Variants in CADPS observed in about 807,000 individuals in gnomAD.
The protein encoded by CADPS is calcium dependent secretion activator.
In CADPS, 57 loss-of-function variants were observed where a neutral mutation model predicts 167.3. The ratio of observed to expected loss-of-function variants is 0.34; its 90% confidence interval spans 0.28 to 0.42. CADPS has a LOEUF of 0.42. Ranked by LOEUF, CADPS falls within the 20% of genes least tolerant of loss-of-function variation. CADPS has a pLI of 1.00. For missense variants in CADPS, 1,414 were observed against 1,738.1 expected, an observed-to-expected ratio of 0.81 and a Z score of 3.32; for synonymous variants, 676 against 635.3, an observed-to-expected ratio of 1.06 and a Z score of -0.96.
chr3:62,580,295 A>T lies in CADPS; in HGVS notation c.1577+4890T>A, dbSNP rs188592871. Among the ~76,000 whole-genome samples the T allele has an allele frequency of 2.7e-3, 407 of 152,326 alleles. 1 individual carries two copies. The highest frequency in any genetic ancestry group is 3.7e-3 in the Admixed American group (57 of 15,298). On this transcript the variant is annotated intron_variant, in intron 8 of 29. Transcript: ENST00000383710. ...GCTCATGTCCTTTGTAGGGACATGG[A>T]TGAAACTGGAAATCATCATTCTCAG...
At chr3:62,466,236 C>T in intron 25 of CADPS, 103 bp downstream of exon 25, 1 of 749,606 alleles carries the variant, frequency 1.3e-6, no homozygotes, top group Non-Finnish European at 2.3e-6. Context: ...CTGAGAGACA[C>T]AAGTATCCAG....
chr3:62,596,893 C>A (rs2059017628), intron 6 of CADPS, among the ~76,000 whole-genome samples: 1 of 152,168 alleles, frequency 6.6e-6, no homozygotes, highest in Non-Finnish European at 1.5e-5. Context: ...AAGATCTTGC[C>A]TATTTTATTC....
At chr3:62,426,259 T>C (rs2052647786) in intron 28 of CADPS, among the ~76,000 whole-genome samples, 1 of 152,202 alleles carries the variant, frequency 6.6e-6, no homozygotes. Flanking sequence ...CAAGCAATTC[T>C]CCTGCTTCAG....
At chr3:62,530,901 G>T in intron 13 of CADPS, 3 of 575,100 alleles carry the variant, frequency 5.2e-6, no homozygotes, top group Non-Finnish European at 6.7e-6. Flanking sequence ...ACAAACAAAA[G>T]AAAGAAAAAG....
At chr3:62,690,688 G>A (rs991034017) in intron 3 of CADPS, among the ~76,000 whole-genome samples, 1 of 151,742 alleles carries the variant, frequency 6.6e-6, no homozygotes. Context: ...CTAAATTAAT[G>A]CTTAAGCTGG....
At chr3:62,615,077 T>G (rs185560818) in intron 6 of CADPS, among the ~76,000 whole-genome samples, 1 of 152,262 alleles carries the variant, frequency 6.6e-6, no homozygotes, top group East Asian at 1.9e-4. Flanking sequence ...GCTGGCAGCA[T>G]GTAATAGTTT....
intron 28 of CADPS, among the ~76,000 whole-genome samples, chr3:62,418,422 T>G (rs1395091795): frequency 2.7e-5 from 4 of 149,726 alleles, no homozygotes; most frequent in Non-Finnish European, 5.9e-5. Context: ...CCTCCCAGGC[T>G]TAAGTGATCC....
chr3:62,859,064 G>T (rs879862366), intron 1 of CADPS, among the ~76,000 whole-genome samples: 2 of 152,104 alleles, frequency 1.3e-5, no homozygotes, highest in African/African-American at 4.8e-5. Context: ...AAAGCATTTG[G>T]ATGAGTACAC....
At chr3:62,671,141 T>C (rs948157983) in intron 3 of CADPS, among the ~76,000 whole-genome samples, 1 of 152,150 alleles carries the variant, frequency 6.6e-6, no homozygotes, top group African/African-American at 2.4e-5. Flanking sequence ...AGGCTTGTTA[T>C]GAAAACGAAA....
intron 1 of CADPS, 68 bp from the exon 2 acceptor site, chr3:62,766,052 C>T (rs2086780072): frequency 8.9e-7 from 1 of 1,117,832 alleles, no homozygotes; most frequent in African/African-American, 1.5e-5. Flanking sequence ...ATACTTTATG[C>T]TGAAGATGCC....
chr3:62,744,365 A>G (rs1297917344), intron 3 of CADPS, among the ~76,000 whole-genome samples: 2 of 152,144 alleles, frequency 1.3e-5, no homozygotes, highest in East Asian at 3.9e-4. Flanking sequence ...TTTCAAAAAA[A>G]AAAAGGATTG....
intron 8 of CADPS, among the ~76,000 whole-genome samples, chr3:62,584,664 T>C (rs1215817613): frequency 6.6e-6 from 1 of 152,246 alleles, no homozygotes; most frequent in Admixed American, 6.5e-5. Context: ...AATTGGTCAT[T>C]TTTCTCAAAC....
intron 18 of CADPS, among the ~76,000 whole-genome samples, chr3:62,494,296 T>C: frequency 6.6e-6 from 1 of 152,162 alleles, no homozygotes; most frequent in South Asian, 2.1e-4. Flanking sequence ...AAACCCTCCA[T>C]GCCACCCCCA....
At chr3:62,858,989 G>A (rs1340407647) in intron 1 of CADPS, among the ~76,000 whole-genome samples, 3 of 152,162 alleles carry the variant, frequency 2.0e-5, no homozygotes, top group Non-Finnish European at 4.4e-5. Flanking sequence ...ATAGTATTGA[G>A]TAGTAGATTG....
chr3:62,601,495 G>A lies in CADPS; in HGVS notation c.1326-8747C>T, dbSNP rs1296515418. Among the ~76,000 whole-genome samples, 1 of 152,126 alleles carries A rather than the reference G, an allele frequency of 6.6e-6. No individual in the cohort carries two copies. The highest frequency in any genetic ancestry group is 1.5e-5 in the Non-Finnish European group (1 of 68,030). ...GCAGATTAGCAGAATGCTCATCTGGGCATACCCACAAAGACGAACTATAAA... is the reference window on the plus strand; with the variant it reads ...GCAGATTAGCAGAATGCTCATCTGGACATACCCACAAAGACGAACTATAAA... On this transcript the variant is annotated intron_variant, in intron 6 of 29. Transcript: ENST00000383710. This position sits in a 1 kb window ranked among gnomAD's most constrained non-coding sequence, Gnocchi z 4.3.
At chr3:62,712,842 G>C (rs1034626527) in intron 3 of CADPS, among the ~76,000 whole-genome samples, 1 of 152,108 alleles carries the variant, frequency 6.6e-6, no homozygotes, top group Admixed American at 6.6e-5. Flanking sequence ...TGTGCTCTAG[G>C]GCAGTCCTCT....
intron 27 of CADPS, chr3:62,439,766 T>A (rs962751588): frequency 6.6e-6 from 1 of 152,136 alleles, no homozygotes; most frequent in East Asian, 1.9e-4. Flanking sequence ...CATGCAACCA[T>A]CTTAGAGCTA....
rs1345412626 is a variant in CADPS at position 62,753,559 on chromosome 3, C to A, written c.770G>T (p.Arg257Leu). The change falls in exon 3 of 30, where the codon CGG becomes CTG. Residue 257 changes from arginine to leucine, a missense_variant. Transcript: ENST00000383710. The surrounding 1 kb of genome is among the most constrained non-coding windows in gnomAD (Gnocchi z 4.6). ...GEEDPRKQQA[R>L]MTASAASELI... The stretch of plus-strand genomic sequence containing the variant: ...CTCGGAGGCTGCGCTGGCTGTCATC[C>A]GGGCCTGCTGCTTCCGCGGGTCCTC... The A allele has an allele frequency of 6.2e-7, 1 of 1,613,984 alleles. No homozygotes were observed. Among genetic ancestry groups the A allele is most frequent in the African/African-American group, 1.3e-5 (1 of 74,884 alleles).
rs2074717394 is a variant in CADPS at position 62,536,512 on chromosome 3, G to T, written c.2036C>A (p.Ala679Asp). ...ISSNPCNFDH[A>D]SLFEMVQRLT... is the part of the protein sequence containing the mutation. ...GCGTTGTACCATCTCAAAGAGGGAA[G>T]CGTGGTCAAAGTTACAGGGGTTGGA... is the stretch of plus-strand genomic sequence containing the variant. The change falls in exon 12 of 30, where the codon GCT becomes GAT. Residue 679 changes from alanine to aspartate, a missense_variant. Transcript: ENST00000383710. 1 of 1,613,126 alleles carries T rather than the reference G, an allele frequency of 6.2e-7. No homozygotes were observed. The highest frequency in any genetic ancestry group is 1.7e-5 in the Admixed American group (1 of 59,998).
Sources: gnomAD v4.1 joint callset for allele counts (sites outside exome capture counted in the v4.1 genomes callset) on GRCh38, gnomAD v4.1.1 for gene constraint, Gnocchi (gnomAD v3.1) non-coding constraint, MANE v1.5 for transcripts, NCBI Gene and HGNC (gene_info 2026-07-23, HGNC 2026-07-21) for gene names.